The following RAP1B variants were observed in gnomAD, a reference collection of about 807,000 sequenced individuals.
The protein encoded by RAP1B is ras-related protein Rap-1b.
RAP1B carries 1 observed loss-of-function variant against 27.5 expected under a neutral mutation model. The ratio of observed to expected loss-of-function variants is 0.04; its 90% CI spans 0.01 to 0.17. RAP1B has a LOEUF of 0.17. RAP1B is among the 10% of genes least tolerant of loss of function. The pLI, the probability that RAP1B is intolerant of heterozygous loss-of-function variation, is 1.00. For missense variants in RAP1B, 84 were observed against 214.8 expected, an observed-to-expected ratio of 0.39 and a Z score of 3.81; for synonymous variants, 75 against 73.1, an observed-to-expected ratio of 1.03 and a Z score of -0.13.
At position 68,642,767 on chromosome 12, in the gene RAP1B, A is replaced by G. The variant is rs1873110890; in HGVS notation, c.-26-5932A>G. On this transcript the variant is annotated intron_variant, in intron 1 of 7. Transcript: ENST00000250559. The stretch of plus-strand genomic sequence containing the variant: ...TTTATCCTCTGGCACGGGAACCTTC[A>G]GGGCATTAAACTTCTTAAAGTCATC... 3.8e-6 allele frequency: 4 copies of G among 1,064,272 alleles called. No individual in the cohort carries two copies. The South Asian group carries it at 5.0e-5, about 13-fold the overall frequency. 65.9% of individuals were successfully genotyped at this position (1,064,272 alleles called of 1,614,324 possible).
intron 1 of RAP1B, among the ~76,000 whole-genome samples, chr12:68,630,888 G>A (rs1033987498): frequency 2.0e-5 from 3 of 151,772 alleles, no homozygotes; most frequent in African/African-American, 7.3e-5. Context: ...TCGCCTTGTT[G>A]CCCAAGGATT....
At chr12:68,612,440 A>G (rs1328099301) in intron 1 of RAP1B, among the ~76,000 whole-genome samples, 1 of 152,162 alleles carries the variant, frequency 6.6e-6, no homozygotes, top group East Asian at 1.9e-4. Flanking sequence ...GCCGGAAGGG[A>G]CTATTTAGAT....
At chr12:68,618,086 CTTTTTTTTTT>C (rs36224976) in intron 1 of RAP1B, among the ~76,000 whole-genome samples, 30 of 60,794 alleles carry the variant, frequency 4.9e-4, no homozygotes, top group East Asian at 3.3e-3. Flanking sequence ...TTCTATAAAG[CTTTTTTTTTT>C]TTTTTTTTTT....
intron 5 of RAP1B, among the ~76,000 whole-genome samples, chr12:68,655,138 C>G (rs963019548): frequency 1.5e-4 from 23 of 151,930 alleles, no homozygotes; most frequent in South Asian, 8.3e-4. Flanking sequence ...TAGCAAAACC[C>G]TGCCTTTACC....
chr12:68,633,571 A>C (rs1872417000), intron 1 of RAP1B, among the ~76,000 whole-genome samples: 1 of 152,158 alleles, frequency 6.6e-6, no homozygotes, highest in Non-Finnish European at 1.5e-5. Flanking sequence ...CCTCTGTCAC[A>C]GTTAAAACTA....
chr12:68,668,995 A>G lies in RAP1B; in HGVS notation c.*9746A>G, dbSNP rs946233336. 6.6e-6 allele frequency: 1 copy of G among 152,234 alleles called. No homozygotes were observed. The highest frequency in any genetic ancestry group is 1.5e-5 in the Non-Finnish European group (1 of 68,030). The allele number at this position is 152,234 out of a possible 1,614,324, so 9.4% of individuals were successfully genotyped here. On this transcript the variant is annotated 3_prime_UTR_variant, in exon 8 of 8. Coordinates refer to ENST00000250559, the MANE Select transcript of RAP1B (RefSeq NM_001010942.3). The stretch of plus-strand genomic sequence containing the variant: ...TGAATGCATTATATCAAAAGAATGA[A>G]ATGTTAAATATAGACACTGGAAAAT...
intron 1 of RAP1B, among the ~76,000 whole-genome samples, chr12:68,620,650 G>A (rs1362845627): frequency 7.0e-6 from 1 of 143,668 alleles, no homozygotes; most frequent in African/African-American, 2.6e-5. Flanking sequence ...ATCTAGGCTT[G>A]AGTGCAGTGT....
At chr12:68,649,611 C>T (rs895583471) in intron 2 of RAP1B, 1 of 152,170 alleles carries the variant, frequency 6.6e-6, no homozygotes, top group African/African-American at 2.4e-5. Flanking sequence ...TTCTGTCTCA[C>T]TCATAAGATA....
intron 1 of RAP1B, among the ~76,000 whole-genome samples, chr12:68,625,407 T>C (rs774056211): frequency 2.6e-5 from 4 of 152,228 alleles, no homozygotes; most frequent in Admixed American, 6.5e-5. Flanking sequence ...TATAAATGCT[T>C]AGGTTGAGAT....
At chr12:68,615,521 G>T (rs1290828387) in intron 1 of RAP1B, among the ~76,000 whole-genome samples, 1 of 151,664 alleles carries the variant, frequency 6.6e-6, no homozygotes, top group Non-Finnish European at 1.5e-5. Flanking sequence ...CCTGGGAGGC[G>T]GAGGTTGCAG....
At chr12:68,640,622 C>G (rs1199990609) in intron 1 of RAP1B, among the ~76,000 whole-genome samples, 1 of 152,118 alleles carries the variant, frequency 6.6e-6, no homozygotes, top group Non-Finnish European at 1.5e-5. Context: ...ATCAAATAAA[C>G]AAGAATTTTC....
intron 1 of RAP1B, among the ~76,000 whole-genome samples, chr12:68,613,575 ATTGTT>A (rs746914688): frequency 4.6e-5 from 7 of 152,148 alleles, no homozygotes; most frequent in Non-Finnish European, 8.8e-5. Context: ...CAAGATATAT[ATTGTT>A]TTGTATGCCT....
intron 7 of RAP1B, 47 bp downstream of exon 7, chr12:68,657,264 T>A: frequency 8.4e-7 from 1 of 1,197,564 alleles, no homozygotes; most frequent in Non-Finnish European, 1.2e-6. Flanking sequence ...TCAACCTTAT[T>A]AAGGGCACTC....
intron 1 of RAP1B, among the ~76,000 whole-genome samples, chr12:68,633,309 C>T (rs1241803493): frequency 1.3e-5 from 2 of 152,104 alleles, no homozygotes; most frequent in Non-Finnish European, 2.9e-5. Context: ...TCCCCTATTC[C>T]CTAATGATTT....
chr12:68,651,320 A>G (rs775264464), intron 3 of RAP1B, among the ~76,000 whole-genome samples: 20 of 151,780 alleles, frequency 1.3e-4, no homozygotes, highest in Non-Finnish European at 2.2e-4. Flanking sequence ...GAAGCAGCCA[A>G]CCTGGCCCCG....
At chr12:68,611,840 A>G (rs763267544) in intron 1 of RAP1B, among the ~76,000 whole-genome samples, 3 of 152,210 alleles carry the variant, frequency 2.0e-5, no homozygotes. Flanking sequence ...CGAGGTGTCT[A>G]ATCCTAAAAC....
intron 4 of RAP1B, among the ~76,000 whole-genome samples, chr12:68,652,816 T>G (rs1592465081): frequency 6.6e-6 from 1 of 152,196 alleles, no homozygotes; most frequent in East Asian, 1.9e-4. Flanking sequence ...GAAAATGTGT[T>G]AGAAGAAAAA....
intron 1 of RAP1B, among the ~76,000 whole-genome samples, chr12:68,630,912 A>G (rs1872188756): frequency 6.6e-6 from 1 of 151,344 alleles, no homozygotes; most frequent in South Asian, 2.1e-4. Flanking sequence ...GGTGTCAACC[A>G]CCGCATCCAG....
At position 68,665,858 on chromosome 12, in the gene RAP1B, CT is replaced by C. The variant is rs398055672; in HGVS notation, c.*6624del. The stretch of plus-strand genomic sequence containing the variant: ...TTTAAATTCAGCTGTAACAAGACAT[CT>C]TTTTTTTTTTTTTTGAGAGAGTCTG... On this transcript the variant is annotated 3_prime_UTR_variant, in exon 8 of 8. Transcript: ENST00000250559. 3.6e-3 allele frequency: 491 copies of C among 137,718 alleles called. No individual in the cohort carries two copies. The highest frequency in any genetic ancestry group is 3.6e-3 in the Middle Eastern group (1 of 278). The allele number at this position is 137,718 out of a possible 1,614,324, so 8.5% of individuals were successfully genotyped here.
Sources: gnomAD v4.1 joint callset for allele counts (sites outside exome capture counted in the v4.1 genomes callset) on GRCh38, gnomAD v4.1.1 for gene constraint, MANE v1.5 for transcripts, NCBI Gene and HGNC (gene_info 2026-07-23, HGNC 2026-07-21) for gene names.